MLLT10: variants seen among roughly 807,000 people sequenced by gnomAD.
MLLT10 encodes MLLT10 histone lysine methyltransferase DOT1L cofactor.
In MLLT10, 30 loss-of-function variants were observed where a neutral mutation model predicts 129.1. The ratio of observed to expected loss-of-function variants is 0.23; its 90% confidence interval spans 0.17 to 0.32. The LOEUF (loss-of-function observed/expected upper bound fraction) is 0.32, where lower values mean the gene tolerates loss of function less well. Ranked by LOEUF, MLLT10 falls within the 10% of genes least tolerant of loss-of-function variation. MLLT10 has a pLI of 1.00. For synonymous variants in MLLT10, 490 were observed against 446.4 expected, an observed-to-expected ratio of 1.10 and a Z score of -1.23; for missense variants, 1,119 against 1,268.3, an observed-to-expected ratio of 0.88 and a Z score of 1.79.
rs118147577 is a variant in MLLT10, at chr10:21,565,044, T to C, written c.241-21250T>C. On this transcript the variant is annotated intron_variant, in intron 3 of 22. Coordinates refer to ENST00000307729, the MANE Select transcript of MLLT10 (RefSeq NM_001195626.3). ...ATCAGCTTTTCTTTTACATATTTTG[T>C]AGTCTTGTTTTTTGGTGCATACACA... Among the ~76,000 whole-genome samples, 110 of 152,248 alleles carry C rather than the reference T, an allele frequency of 7.2e-4. 1 individual carries two copies. The East Asian group carries it at 0.015, about 21-fold the overall frequency.
chr10:21,639,012 C>A (rs774075480), intron 8 of MLLT10, among the ~76,000 whole-genome samples: 20 of 152,192 alleles, frequency 1.3e-4, no homozygotes, highest in Non-Finnish European at 2.6e-4. Context: ...GTTGACCGTA[C>A]AATTTTTCAT....
Position 21,735,173 on chromosome 10 carries a change from C to T in MLLT10, c.2893C>T (p.Arg965Ter). The change falls in exon 21 of 23, where the codon CGA (arginine) becomes TGA (stop). Residue 965 changes from arginine to a stop codon, truncating the protein, a stop_gained. Transcript: ENST00000307729. LOFTEE classifies it high-confidence loss of function. ...SGLGLLSDQQ[R>*]QILIHQQQFQ... Reference sequence around the variant, plus strand: ...ACTAGGATTACTTTCTGACCAGCAACGACAAATACTTATTCATCAACAGCA... The same window carrying T: ...ACTAGGATTACTTTCTGACCAGCAATGACAAATACTTATTCATCAACAGCA... 1 of 1,613,912 alleles carries T rather than the reference C, an allele frequency of 6.2e-7. No homozygotes were observed. Among genetic ancestry groups the T allele is most frequent in the South Asian group, 1.1e-5 (1 of 91,074 alleles).
chr10:21,735,559 G>A (rs1374727504), intron 21 of MLLT10, among the ~76,000 whole-genome samples: 1 of 152,170 alleles, frequency 6.6e-6, no homozygotes, highest in Non-Finnish European at 1.5e-5. Context: ...GATAAATACT[G>A]AGAAGAACAA....
chr10:21,717,595 T>C (rs1271292826), intron 14 of MLLT10, among the ~76,000 whole-genome samples: 2 of 118,542 alleles, frequency 1.7e-5, no homozygotes, highest in African/African-American at 6.3e-5. Context: ...CCTCTTCCTC[T>C]TCTTTCTTCC....
At position 21,614,930 on chromosome 10, in the gene MLLT10, A is replaced by C. The variant is rs2045075424; in HGVS notation, c.603+6A>C. 1 of 1,589,328 alleles carries C rather than the reference A, an allele frequency of 6.3e-7. No homozygotes were observed. The highest frequency in any genetic ancestry group is 8.6e-7 in the Non-Finnish European group (1 of 1,166,190). On this transcript the variant is annotated splice_donor_region_variant and intron_variant, in intron 7 of 22. Transcript: ENST00000307729. Reference sequence around the variant, plus strand: ...AATACCATTTTAGTAAGCTGGTAAGAATTTCTCTTGGATTTAATGAAATGA... The same window carrying C: ...AATACCATTTTAGTAAGCTGGTAAGCATTTCTCTTGGATTTAATGAAATGA...
chr10:21,543,137 T>G (rs945256551), intron 3 of MLLT10, among the ~76,000 whole-genome samples: 5 of 151,966 alleles, frequency 3.3e-5, no homozygotes, highest in Non-Finnish European at 5.9e-5. Flanking sequence ...TTTTCTTTTT[T>G]GAGATGGAGT....
intron 8 of MLLT10, among the ~76,000 whole-genome samples, chr10:21,622,766 GTATCCTACAATTCAGTTCTGATAT>G (rs929732697): frequency 2.6e-5 from 4 of 152,062 alleles, no homozygotes; most frequent in Admixed American, 2.6e-4. Context: ...CACCAAGTGG[GTATCCTACAATTCAGTTCTGATAT>G]TACCCAGAGT....
intron 13 of MLLT10, among the ~76,000 whole-genome samples, chr10:21,704,318 T>C (rs1328677731): frequency 6.8e-6 from 1 of 145,992 alleles, no homozygotes; most frequent in Non-Finnish European, 1.5e-5. Context: ...CTCTGTTTTG[T>C]TCTTTTTAAA....
chr10:21,667,038 T>A, intron 9 of MLLT10, among the ~76,000 whole-genome samples: 1 of 152,210 alleles, frequency 6.6e-6, no homozygotes, highest in East Asian at 1.9e-4. Flanking sequence ...TTTCTGCTTT[T>A]ATATCCAAAA....
At chr10:21,645,089 A>G (rs1002868982) in intron 8 of MLLT10, among the ~76,000 whole-genome samples, 1 of 152,154 alleles carries the variant, frequency 6.6e-6, no homozygotes, top group Non-Finnish European at 1.5e-5. Context: ...AGGAACATAT[A>G]AAATCACCTC....
intron 22 of MLLT10, among the ~76,000 whole-genome samples, 184 bp from the exon 23 acceptor site, chr10:21,741,755 T>G (rs1833674552): frequency 6.6e-6 from 1 of 152,224 alleles, no homozygotes; most frequent in Non-Finnish European, 1.5e-5. Flanking sequence ...TTGAATTTAA[T>G]GTTTTTAAAG....
chr10:21,651,003 T>G (rs1371331210), intron 8 of MLLT10, among the ~76,000 whole-genome samples: 1 of 152,128 alleles, frequency 6.6e-6, no homozygotes, highest in East Asian at 1.9e-4. Flanking sequence ...TTTAAAGTAC[T>G]ATTTTAAAAT....
At chr10:21,544,940 G>A (rs1212438770) in intron 3 of MLLT10, among the ~76,000 whole-genome samples, 2 of 152,222 alleles carry the variant, frequency 1.3e-5, no homozygotes, top group African/African-American at 4.8e-5. Context: ...GAGATCGGGA[G>A]TTTGAGACCA....
chr10:21,557,385 T>C (rs1203953499), intron 3 of MLLT10, among the ~76,000 whole-genome samples: 1 of 152,206 alleles, frequency 6.6e-6, no homozygotes, highest in Admixed American at 6.5e-5. Context: ...AGGAAAATTA[T>C]CTCCCTTGCG....
intron 13 of MLLT10, among the ~76,000 whole-genome samples, chr10:21,690,478 A>G (rs564146556): frequency 1.8e-4 from 27 of 152,280 alleles, no homozygotes; most frequent in South Asian, 4.1e-4. Flanking sequence ...GAATGTGTTT[A>G]CAAAAGCGTT....
chr10:21,685,875 T>C (rs1191595296), intron 13 of MLLT10, among the ~76,000 whole-genome samples: 2 of 152,148 alleles, frequency 1.3e-5, no homozygotes, highest in Non-Finnish European at 2.9e-5. Flanking sequence ...CATTCAACAA[T>C]TATGGCAAGC....
intron 3 of MLLT10, among the ~76,000 whole-genome samples, chr10:21,544,606 A>G (rs567746775): frequency 2.0e-5 from 3 of 152,364 alleles, no homozygotes; most frequent in South Asian, 2.1e-4. Flanking sequence ...GGATGCTATT[A>G]CTATAAAGAT....
intron 5 of MLLT10, among the ~76,000 whole-genome samples, chr10:21,604,478 T>G (rs1184755617): frequency 6.6e-6 from 1 of 152,092 alleles, no homozygotes; most frequent in Non-Finnish European, 1.5e-5. Context: ...TAGTCCCAGC[T>G]ACTCGGGTGG....
At chr10:21,698,913 T>C (rs2054622595) in intron 13 of MLLT10, among the ~76,000 whole-genome samples, 2 of 152,214 alleles carry the variant, frequency 1.3e-5, no homozygotes, top group African/African-American at 4.8e-5. Flanking sequence ...CTTGCTCTTT[T>C]GCCCAGGCTG....
Sources: gnomAD v4.1 joint callset for allele counts (sites outside exome capture counted in the v4.1 genomes callset) on GRCh38, gnomAD v4.1.1 for gene constraint, MANE v1.5 for transcripts, NCBI Gene and HGNC (gene_info 2026-07-23, HGNC 2026-07-21) for gene names.